Variants in DLC1 observed in about 807,000 individuals in gnomAD.
DLC1 encodes the protein DLC1 Rho GTPase activating protein.
A neutral mutation model predicts 140.3 loss-of-function variants in DLC1; 54 were observed. The ratio of observed to expected loss-of-function variants is 0.38; its 90% CI spans 0.31 to 0.48. DLC1 has a LOEUF of 0.48. DLC1 is among the 20% of genes least tolerant of loss of function. The probability of loss-of-function intolerance (pLI) is 0.96; values close to 1 mark genes in which losing one functional copy is unlikely to be tolerated. For missense variants in DLC1, 2,536 were observed against 1,907.0 expected, an observed-to-expected ratio of 1.33 and a Z score of -6.14; for synonymous variants, 986 against 728.1, an observed-to-expected ratio of 1.35 and a Z score of -5.70.
At chr8:13,548,062 A>G (rs573314063) in intron 1 of DLC1, among the ~76,000 whole-genome samples, 79 of 152,168 alleles carry the variant, frequency 5.2e-4, no homozygotes, top group African/African-American at 1.9e-3. Context: ...CTCTTTTCAA[A>G]CCCTGAGTTA....
chr8:13,185,966 A>C (rs2116999798), intron 5 of DLC1, among the ~76,000 whole-genome samples: 1 of 152,286 alleles, frequency 6.6e-6, no homozygotes, highest in African/African-American at 2.4e-5. Context: ...AAGAATGTTG[A>C]ATATTGACCC....
intron 1 of DLC1, among the ~76,000 whole-genome samples, chr8:13,564,874 A>C (rs1452966371): frequency 6.6e-6 from 1 of 151,792 alleles, no homozygotes; most frequent in Non-Finnish European, 1.5e-5. Flanking sequence ...GCCTGACTGG[A>C]CTCTCTTTTC....
chr8:13,294,253 A>G (rs2117474093), intron 5 of DLC1, among the ~76,000 whole-genome samples: 1 of 152,330 alleles, frequency 6.6e-6, no homozygotes, highest in South Asian at 2.1e-4. Flanking sequence ...ACTGAAGCCT[A>G]ATTATTCATG....
At chr8:13,132,920 C>T in intron 5 of DLC1, 1 of 1,590,734 alleles carries the variant, frequency 6.3e-7, no homozygotes, top group South Asian at 1.1e-5. Flanking sequence ...GCCAGCCCGA[C>T]GGCAAGACGC....
chr8:13,099,616 G>A lies in DLC1; in HGVS notation c.2721C>T (p.Asp907=). The change falls in exon 9 of 18, where the codon GAC becomes GAT. Residue 907 remains aspartate, a synonymous_variant. Transcript: ENST00000276297. ...TCCCCTTCACGTGGTAGAGGATGTC[G>A]TCCAGCTCGGGGAAGATGTCCTCGT... ...LENEDIFPEL[D]DILYHVKGMQ... 3.1e-6 allele frequency: 5 copies of A among 1,614,164 alleles called. No homozygotes were observed. In the African/African-American group the frequency reaches 4.0e-5, roughly 13 times the overall value.
intron 4 of DLC1, among the ~76,000 whole-genome samples, chr8:13,356,389 G>A (rs143771375): frequency 7.9e-5 from 12 of 152,132 alleles, no homozygotes; most frequent in South Asian, 2.1e-4. Flanking sequence ...ATTCAAAGCC[G>A]TTTACAGTTT....
At chr8:13,463,001 A>G (rs892260649) in intron 2 of DLC1, among the ~76,000 whole-genome samples, 1 of 152,212 alleles carries the variant, frequency 6.6e-6, no homozygotes, top group Non-Finnish European at 1.5e-5. Flanking sequence ...CTTTGGAATC[A>G]CAGGCAACAT....
intron 5 of DLC1, among the ~76,000 whole-genome samples, chr8:13,251,597 A>G (rs1168784344): frequency 6.6e-6 from 1 of 152,186 alleles, no homozygotes; most frequent in Non-Finnish European, 1.5e-5. Flanking sequence ...AAATTTATCC[A>G]TCTATTCAAA....
intron 5 of DLC1, among the ~76,000 whole-genome samples, chr8:13,139,476 T>C (rs1225816321): frequency 6.6e-6 from 1 of 152,108 alleles, no homozygotes; most frequent in African/African-American, 2.4e-5. Flanking sequence ...GTCAGGGTAT[T>C]GGGCAAAACT....
chr8:13,487,395 G>T (rs890363245), intron 2 of DLC1, among the ~76,000 whole-genome samples: 33 of 151,984 alleles, frequency 2.2e-4, no homozygotes, highest in African/African-American at 8.0e-4. Flanking sequence ...GCCCTAAATT[G>T]ACATTCAGTC....
chr8:13,085,558 G>C lies in DLC1; in HGVS notation c.*253C>G, dbSNP rs1157491090. 5 of 322,980 alleles carry C rather than the reference G, an allele frequency of 1.5e-5. No individual in the cohort carries two copies. Among genetic ancestry groups the C allele is most frequent in the South Asian group, 7.2e-5 (1 of 13,906 alleles). The allele number at this position is 322,980 out of a possible 1,614,324, so 20.0% of individuals were successfully genotyped here. A position where few individuals can be genotyped will look rare whatever the true frequency, so the allele number is the denominator to read the frequency against. On this transcript the variant is annotated 3_prime_UTR_variant, in exon 18 of 18. Coordinates refer to ENST00000276297, the MANE Select transcript of DLC1 (RefSeq NM_182643.3). Reference sequence around the variant, plus strand: ...GAGTTTTGCTTCTCAGAAGCAATTTGAATAAGAATACACATAAATTTTTTT... The same window carrying C: ...GAGTTTTGCTTCTCAGAAGCAATTTCAATAAGAATACACATAAATTTTTTT...
chr8:13,197,151 G>A lies in DLC1; in HGVS notation c.1349-81494C>T, dbSNP rs1329744243. Among the ~76,000 whole-genome samples the A allele has an allele frequency of 3.3e-5, 5 of 152,088 alleles. No individual in the cohort carries two copies. The East Asian group carries it at 7.7e-4, about 23-fold the overall frequency. ...GTCTGAGGATGTCTAGTGGGTAAAG[G>A]TAGTATTAATAACATGTCATTGAAT... On this transcript the variant is annotated intron_variant, in intron 5 of 17. Coordinates refer to ENST00000276297, the MANE Select transcript of DLC1 (RefSeq NM_182643.3).
intron 4 of DLC1, among the ~76,000 whole-genome samples, chr8:13,357,727 A>G (rs1300256282): frequency 6.6e-6 from 1 of 152,226 alleles, no homozygotes; most frequent in Non-Finnish European, 1.5e-5. Context: ...TGAGAATTAC[A>G]GTAGTTGAGA....
In DLC1 at chr8:13,094,869, T is replaced by C; in HGVS notation, c.3416A>G (p.Glu1139Gly). ...TGCCACGTCATAAGCAGACTGTCCT[T>C]CGTAGTTGACACAGTCTATGGCACC... Reference protein sequence around the residue: ...NEGAIDCVNYEGQSAYDVADM... With the variant: ...NEGAIDCVNYGGQSAYDVADM... The change falls in exon 12 of 18, where the codon GAA becomes GGA. Residue 1139 changes from glutamate (E) to glycine (G), a missense_variant. By Grantham distance (98) the Glu-to-Gly change is moderately conservative. Coordinates refer to ENST00000276297, the MANE Select transcript of DLC1 (RefSeq NM_182643.3). The C allele has an allele frequency of 1.2e-6, 2 of 1,614,220 alleles. No individual in the cohort carries two copies. Among genetic ancestry groups the C allele is most frequent in the Non-Finnish European group, 1.7e-6 (2 of 1,180,028 alleles).
At chr8:13,345,822 G>T (rs922910449) in intron 4 of DLC1, among the ~76,000 whole-genome samples, 1 of 152,092 alleles carries the variant, frequency 6.6e-6, no homozygotes, top group African/African-American at 2.4e-5. Flanking sequence ...GCCTCTGAAA[G>T]TGCTGAGATT....
At position 13,442,829 on chromosome 8, in the gene DLC1, T is replaced by G. The variant is rs1017727147; in HGVS notation, c.1024-41210A>C. On this transcript the variant is annotated intron_variant, in intron 2 of 17. Transcript: ENST00000276297. ...CTGGGATCTAGAACTAGAAATACCATTTGACCCAGCCATCCCATTACTGGG... is the reference window on the plus strand; with the variant it reads ...CTGGGATCTAGAACTAGAAATACCAGTTGACCCAGCCATCCCATTACTGGG... Among the ~76,000 whole-genome samples, 3 of 152,306 alleles carry G rather than the reference T, an allele frequency of 2.0e-5. No individual in the cohort carries two copies. In the East Asian group the frequency reaches 5.8e-4, roughly 29 times the overall value.
At chr8:13,160,274 C>G (rs906206023) in intron 5 of DLC1, 1 of 152,028 alleles carries the variant, frequency 6.6e-6, no homozygotes, top group Admixed American at 6.6e-5. Flanking sequence ...ACTTGACTAG[C>G]CTAAAAAAAT....
chr8:13,194,415 CA>C (rs1402691905), intron 5 of DLC1, among the ~76,000 whole-genome samples: 1 of 152,210 alleles, frequency 6.6e-6, no homozygotes, highest in Admixed American at 6.5e-5. Flanking sequence ...ATGAAAATAA[CA>C]GCTTGCATTT....
intron 4 of DLC1, among the ~76,000 whole-genome samples, chr8:13,325,597 C>G (rs1029854743): frequency 1.3e-5 from 2 of 152,088 alleles, no homozygotes; most frequent in African/African-American, 4.8e-5. Flanking sequence ...TGTCCAAGAA[C>G]AAGTCTCAGT....
Sources: allele counts gnomAD v4.1 joint callset (sites outside exome capture counted in the v4.1 genomes callset), GRCh38; gene constraint gnomAD v4.1.1; transcripts MANE v1.5; gene names NCBI Gene and HGNC (gene_info 2026-07-23, HGNC 2026-07-21).